NREP: variants seen among roughly 807,000 people sequenced by gnomAD.
NREP encodes the protein neuronal regeneration-related protein.
NREP carries 5 observed loss-of-function variants against 8.6 expected under a neutral mutation model. The observed-to-expected ratio is 0.58, with a 90% CI of 0.30 to 1.22. NREP has a LOEUF of 1.22. Among genes scored for constraint, NREP ranks in the 50% most tolerant of loss-of-function variants. The pLI is 0.07. For synonymous variants in NREP, 27 were observed against 28.0 expected, an observed-to-expected ratio of 0.96 and a Z score of 0.11; for missense variants, 86 against 82.5, an observed-to-expected ratio of 1.04 and a Z score of -0.17.
At chr5:111,869,775 G>A (rs1433015041) in intron 2 of NREP, among the ~76,000 whole-genome samples, 2 of 152,132 alleles carry the variant, frequency 1.3e-5, no homozygotes, top group African/African-American at 4.8e-5. Flanking sequence ...GAAGCAGGGA[G>A]CAAGGAGAGG....
intron 2 of NREP, among the ~76,000 whole-genome samples, chr5:111,895,134 T>G (rs1394316168): frequency 2.0e-5 from 3 of 152,346 alleles, no homozygotes; most frequent in African/African-American, 7.2e-5. Flanking sequence ...CAAATCAATA[T>G]ACTTTCAATT....
At chr5:111,803,124 G>A (rs903008945) in intron 2 of NREP, among the ~76,000 whole-genome samples, 10 of 152,150 alleles carry the variant, frequency 6.6e-5, no homozygotes, top group African/African-American at 2.2e-4. Flanking sequence ...AAATTCCCAA[G>A]TGCCATTGAT....
chr5:111,729,271 A>G (rs2112766467), downstream of NREP: 1 of 152,338 alleles, frequency 6.6e-6, no homozygotes, highest in South Asian at 2.1e-4. Context: ...ATTCAAAACT[A>G]GGCCTCTTCA....
intron 2 of NREP, among the ~76,000 whole-genome samples, chr5:111,936,229 A>T (rs1755678518): frequency 6.6e-6 from 1 of 151,880 alleles, no homozygotes; most frequent in African/African-American, 2.4e-5. Context: ...TGAGGGAGAG[A>T]CCTGGTGGGA....
chr5:111,834,133 C>T (rs1752839193), intron 2 of NREP, among the ~76,000 whole-genome samples: 1 of 152,256 alleles, frequency 6.6e-6, no homozygotes, highest in South Asian at 2.1e-4. Context: ...CCAGGAGATT[C>T]TAGAGCAAAT....
chr5:111,929,803 G>T (rs1755487081), intron 2 of NREP, among the ~76,000 whole-genome samples: 1 of 152,110 alleles, frequency 6.6e-6, no homozygotes, highest in Non-Finnish European at 1.5e-5. Context: ...CTCACAGATA[G>T]ACTAAAAGTT....
intron 2 of NREP, among the ~76,000 whole-genome samples, chr5:111,939,510 A>G (rs1755772549): frequency 6.6e-6 from 1 of 151,974 alleles, no homozygotes. Context: ...TAACCCTGAA[A>G]TCAGTATTTG....
intron 2 of NREP, among the ~76,000 whole-genome samples, chr5:111,824,674 A>G (rs1207754839): frequency 1.3e-5 from 2 of 152,226 alleles, no homozygotes; most frequent in Non-Finnish European, 2.9e-5. Flanking sequence ...GATGAAGTCT[A>G]TTACATTCCT....
At chr5:111,744,432 AAAG>A (rs1364482157) in intron 2 of NREP, among the ~76,000 whole-genome samples, 2 of 152,044 alleles carry the variant, frequency 1.3e-5, no homozygotes, top group Admixed American at 1.3e-4. Flanking sequence ...ACTTTTTTTT[AAAG>A]AAGAAAAAAT....
chr5:111,760,640 T>A (rs1356562131), upstream of NREP, among the ~76,000 whole-genome samples: 1 of 152,114 alleles, frequency 6.6e-6, no homozygotes, highest in Non-Finnish European at 1.5e-5. Flanking sequence ...AAACTGAATT[T>A]GTGAAGAATG....
At chr5:111,918,327 G>A (rs1561345074) in intron 2 of NREP, among the ~76,000 whole-genome samples, 1 of 152,116 alleles carries the variant, frequency 6.6e-6, no homozygotes, top group Non-Finnish European at 1.5e-5. Flanking sequence ...AACTACCACT[G>A]ACTTTCCTCA....
intron 2 of NREP, among the ~76,000 whole-genome samples, chr5:111,952,985 C>T (rs890449880): frequency 6.6e-6 from 1 of 152,004 alleles, no homozygotes; most frequent in African/African-American, 2.4e-5. Context: ...AGACATGAGT[C>T]CCTGCCTCAT....
chr5:111,928,226 A>G (rs1391697744), intron 2 of NREP, among the ~76,000 whole-genome samples: 1 of 152,168 alleles, frequency 6.6e-6, no homozygotes, highest in Non-Finnish European at 1.5e-5. Flanking sequence ...TTAAGTTAAC[A>G]TCTAGAATTT....
intron 2 of NREP, chr5:111,738,754 G>T (rs1749386266): frequency 6.6e-6 from 1 of 152,076 alleles, no homozygotes; most frequent in South Asian, 2.1e-4. Flanking sequence ...AATTCATATG[G>T]GGAAGTCCTA....
At chr5:111,899,605 A>G (rs1231247922) in intron 2 of NREP, among the ~76,000 whole-genome samples, 1 of 152,186 alleles carries the variant, frequency 6.6e-6, no homozygotes, top group Non-Finnish European at 1.5e-5. Flanking sequence ...GTCAATAACA[A>G]CATATGTAAA....
chr5:111,747,328 G>A (rs956656348), intron 2 of NREP, among the ~76,000 whole-genome samples: 18 of 152,244 alleles, frequency 1.2e-4, no homozygotes, highest in South Asian at 4.1e-4. Context: ...CAATGAAAGC[G>A]TCCTCAGGAT....
chr5:111,854,564 G>A (rs190482232), intron 2 of NREP, among the ~76,000 whole-genome samples: 6 of 152,258 alleles, frequency 3.9e-5, no homozygotes, highest in African/African-American at 1.4e-4. Flanking sequence ...TCTCTAGGGT[G>A]CCTTCCAGCC....
At chr5:111,733,880 T>C (rs1464067015) in intron 3 of NREP, 3 of 152,186 alleles carry the variant, frequency 2.0e-5, no homozygotes, top group Non-Finnish European at 4.4e-5. Flanking sequence ...GTTAATAATG[T>C]GCTTTGGACC....
intron 2 of NREP, among the ~76,000 whole-genome samples, chr5:111,880,771 C>G (rs1279069227): frequency 1.6e-5 from 2 of 121,528 alleles, no homozygotes; most frequent in Non-Finnish European, 3.2e-5. Flanking sequence ...GGGTCTTACT[C>G]TATCACCCAG....
Sources: gnomAD v4.1 joint callset for allele counts (sites outside exome capture counted in the v4.1 genomes callset) on GRCh38, gnomAD v4.1.1 for gene constraint, MANE v1.5 for transcripts, NCBI Gene and HGNC (gene_info 2026-07-23, HGNC 2026-07-21) for gene names.